PLCB1: variants seen among roughly 807,000 people sequenced by gnomAD.
The protein encoded by PLCB1 is phospholipase C beta 1, also known as 1-phosphatidylinositol 4,5-bisphosphate phosphodiesterase beta-1.
In PLCB1, 46 loss-of-function variants were observed where a neutral mutation model predicts 161.8. That is an observed-to-expected ratio of 0.28 (90% CI 0.22 to 0.36). The LOEUF is 0.36. Among genes scored for constraint, PLCB1 ranks in the 10% least tolerant of loss-of-function variants. PLCB1 has a pLI of 1.00. For missense variants in PLCB1, 1,016 were observed against 1,472.5 expected, an observed-to-expected ratio of 0.69 and a Z score of 5.07; for synonymous variants, 517 against 503.7, an observed-to-expected ratio of 1.03 and a Z score of -0.35.
At chr20:8,453,008 A>C (rs775213429) in intron 3 of PLCB1, among the ~76,000 whole-genome samples, 23 of 152,350 alleles carry the variant, frequency 1.5e-4, no homozygotes, top group Admixed American at 1.3e-4. Context: ...TTTTAAACGT[A>C]GGTACAAATC....
At chr20:8,445,406 A>G (rs1321200129) in intron 3 of PLCB1, among the ~76,000 whole-genome samples, 1 of 151,908 alleles carries the variant, frequency 6.6e-6, no homozygotes, top group African/African-American at 2.4e-5. Context: ...ATTGGTCTAT[A>G]TCTCTGTTTT....
At chr20:8,860,701 T>C (rs900089898) in intron 31 of PLCB1, among the ~76,000 whole-genome samples, 2 of 152,208 alleles carry the variant, frequency 1.3e-5, no homozygotes, top group African/African-American at 2.4e-5. Flanking sequence ...CTATTCCTCT[T>C]TGAGAAATTA....
At position 8,387,567 on chromosome 20, in the gene PLCB1, A is replaced by C. The variant is rs528597152; in HGVS notation, c.246+16117A>C. 9.7e-4 allele frequency among the ~76,000 whole-genome samples: 148 copies of C among 152,366 alleles called. 1 individual carries two copies. Among genetic ancestry groups the C allele is most frequent in the Middle Eastern group, 6.8e-3 (2 of 294 alleles). ...TTATTCAAATGTTGTGAAAATTACCAAAATGTGACACAGATACATGAAGCA... is the reference window on the plus strand; with the variant it reads ...TTATTCAAATGTTGTGAAAATTACCCAAATGTGACACAGATACATGAAGCA... On this transcript the variant is annotated intron_variant, in intron 3 of 31. Coordinates refer to ENST00000338037, the MANE Select transcript of PLCB1 (RefSeq NM_015192.4).
Position 8,180,325 on chromosome 20 carries a change from C to G in PLCB1, c.177+29954C>G, listed in dbSNP as rs570884220. On this transcript the variant is annotated intron_variant, in intron 2 of 31. Transcript: ENST00000338037. ...AGCCTATTTGATCATGGTGGATTAG[C>G]TTTTTGATGTACTACTGAATTCAGT... Among the ~76,000 whole-genome samples, 3 of 152,274 alleles carry G rather than the reference C, an allele frequency of 2.0e-5. No homozygotes were observed. In the South Asian group the frequency reaches 6.2e-4, roughly 32 times the overall value.
chr20:8,803,528 T>C (rs1361638708), intron 31 of PLCB1, among the ~76,000 whole-genome samples: 1 of 151,908 alleles, frequency 6.6e-6, no homozygotes, highest in East Asian at 1.9e-4. Flanking sequence ...TGAATTCTGT[T>C]CATGTCCTCT....
At chr20:8,563,567 C>T (rs1001280224) in intron 3 of PLCB1, among the ~76,000 whole-genome samples, 5 of 152,092 alleles carry the variant, frequency 3.3e-5, no homozygotes, top group Non-Finnish European at 7.4e-5. Context: ...TGACTTTTTG[C>T]AGATGACATG....
chr20:8,668,704 T>G (rs1989874126), intron 9 of PLCB1, among the ~76,000 whole-genome samples: 1 of 152,188 alleles, frequency 6.6e-6, no homozygotes, highest in African/African-American at 2.4e-5. Context: ...AAAGTGTTAA[T>G]TCTTAGGCCT....
At chr20:8,673,885 G>C (rs1290775721) in intron 9 of PLCB1, among the ~76,000 whole-genome samples, 2 of 152,146 alleles carry the variant, frequency 1.3e-5, no homozygotes, top group Non-Finnish European at 2.9e-5. Context: ...CCTGTCTGCT[G>C]GACTTCCCAC....
intron 3 of PLCB1, among the ~76,000 whole-genome samples, chr20:8,578,296 G>A (rs1258513602): frequency 1.3e-5 from 2 of 152,062 alleles, no homozygotes; most frequent in Non-Finnish European, 2.9e-5. Flanking sequence ...TTCTCTCCAG[G>A]GCAATTAAAG....
intron 3 of PLCB1, among the ~76,000 whole-genome samples, chr20:8,423,008 G>C (rs227883): frequency 0.63 from 96,025 of 152,052 alleles, 30,611 homozygotes; most frequent in Non-Finnish European, 0.68. Flanking sequence ...TTCTGGCACA[G>C]AGCAAACACT....
chr20:8,553,856 G>T (rs991124403), intron 3 of PLCB1, among the ~76,000 whole-genome samples: 7 of 151,816 alleles, frequency 4.6e-5, no homozygotes, highest in Non-Finnish European at 5.9e-5. Flanking sequence ...AAAACAATTA[G>T]CTGGGCATGG....
chr20:8,321,633 A>C (rs1984923990), intron 2 of PLCB1, among the ~76,000 whole-genome samples: 1 of 152,168 alleles, frequency 6.6e-6, no homozygotes, highest in African/African-American at 2.4e-5. Context: ...AATCACATAC[A>C]CAAAATATCA....
chr20:8,502,555 C>T (rs946730674), intron 3 of PLCB1, among the ~76,000 whole-genome samples: 7 of 152,090 alleles, frequency 4.6e-5, no homozygotes, highest in East Asian at 3.8e-4. Context: ...ATCTATCTAT[C>T]GAACATTTCT....
chr20:8,822,732 C>G (rs540700429), intron 31 of PLCB1, among the ~76,000 whole-genome samples: 2 of 152,162 alleles, frequency 1.3e-5, no homozygotes, highest in Non-Finnish European at 2.9e-5. Flanking sequence ...TCATTGAAAA[C>G]CCCAGCTGGG....
chr20:8,339,021 T>C (rs1352818311), intron 2 of PLCB1, among the ~76,000 whole-genome samples: 5 of 152,236 alleles, frequency 3.3e-5, no homozygotes, highest in African/African-American at 4.8e-5. Flanking sequence ...TGTATGACTT[T>C]ACCACAATTT....
intron 3 of PLCB1, among the ~76,000 whole-genome samples, chr20:8,582,873 C>T (rs559146192): frequency 1.3e-5 from 2 of 151,666 alleles, no homozygotes; most frequent in East Asian, 3.9e-4. Context: ...CTTGTAATCC[C>T]AGCTACTTGG....
At position 8,620,747 on chromosome 20, in the gene PLCB1, CAA is replaced by C. The variant is rs779029928; in HGVS notation, c.247-7526_247-7525del. On this transcript the variant is annotated intron_variant, in intron 3 of 31. Transcript: ENST00000338037. ...GAGAAACTCTGTCCCCTGCCCCCAC[CAA>C]AAAAAAAAAAAAAAAAAAAAGAAAA... Among the ~76,000 whole-genome samples the C allele has an allele frequency of 8.1e-3, 608 of 75,240 alleles. 3 individuals are homozygous for C. The highest frequency in any genetic ancestry group is 0.031 in the African/African-American group (574 of 18,582). 49.4% of individuals were successfully genotyped at this position (75,240 alleles called of 152,430 possible).
intron 2 of PLCB1, among the ~76,000 whole-genome samples, chr20:8,260,314 G>C (rs1568608694): frequency 6.6e-6 from 1 of 151,184 alleles, no homozygotes; most frequent in Admixed American, 6.6e-5. Flanking sequence ...AAACTCCTGG[G>C]CTCAAGCAAT....
chr20:8,441,745 G>A (rs940875543), intron 3 of PLCB1, among the ~76,000 whole-genome samples: 2 of 152,112 alleles, frequency 1.3e-5, no homozygotes, highest in Non-Finnish European at 2.9e-5. Flanking sequence ...TAGAGGAGGG[G>A]GAGAGGGCAG....
Sources: allele counts gnomAD v4.1 joint callset (sites outside exome capture counted in the v4.1 genomes callset), GRCh38; gene constraint gnomAD v4.1.1; transcripts MANE v1.5; gene names NCBI Gene and HGNC (gene_info 2026-07-23, HGNC 2026-07-21).